FHOD3: variants seen among roughly 807,000 people sequenced by gnomAD.
The protein encoded by FHOD3 is formin homology 2 domain containing 3, also known as FH1/FH2 domain-containing protein 3.
A neutral mutation model predicts 173.0 loss-of-function variants in FHOD3; 90 were observed. That is an observed-to-expected ratio of 0.52 (90% CI 0.44 to 0.62). The LOEUF is 0.62. Ranked by LOEUF, FHOD3 falls within the 20% of genes least tolerant of loss-of-function variation. The pLI, the probability that FHOD3 is intolerant of heterozygous loss-of-function variation, is 0.00. For missense variants in FHOD3, 1,945 were observed against 2,034.7 expected (o/e 0.96, Z 0.85); for synonymous variants, 828 against 823.0 (o/e 1.01, Z -0.10).
chr18:36,434,295 A>G (rs961544836), intron 3 of FHOD3, among the ~76,000 whole-genome samples: 9 of 152,228 alleles, frequency 5.9e-5, no homozygotes, highest in Non-Finnish European at 1.2e-4. Flanking sequence ...ATAGTCGTTC[A>G]AACACCATTT....
At chr18:36,482,269 TAA>T (rs2053941332) in intron 3 of FHOD3, among the ~76,000 whole-genome samples, 1 of 152,222 alleles carries the variant, frequency 6.6e-6, no homozygotes, top group East Asian at 1.9e-4. Context: ...GGTAAATCAG[TAA>T]AATACATAGT....
chr18:36,692,205 A>G (rs1416315689), intron 16 of FHOD3, among the ~76,000 whole-genome samples: 1 of 152,262 alleles, frequency 6.6e-6, no homozygotes, highest in Non-Finnish European at 1.5e-5. Flanking sequence ...TTGTTTTAAA[A>G]TATTTTAATT....
chr18:36,448,992 G>A (rs1215158709), intron 3 of FHOD3, among the ~76,000 whole-genome samples: 2 of 151,224 alleles, frequency 1.3e-5, no homozygotes, highest in African/African-American at 4.9e-5. Context: ...CCATTTCTCG[G>A]TGTCCCCTTT....
At chr18:36,498,701 T>C (rs2054868658) in intron 3 of FHOD3, among the ~76,000 whole-genome samples, 2 of 151,734 alleles carry the variant, frequency 1.3e-5, no homozygotes, top group South Asian at 4.2e-4. Context: ...GGGGAAGGAG[T>C]ACCCCCAACT....
chr18:36,489,775 G>C (rs1414539513), intron 3 of FHOD3, among the ~76,000 whole-genome samples: 1 of 152,162 alleles, frequency 6.6e-6, no homozygotes, highest in Non-Finnish European at 1.5e-5. Flanking sequence ...TTAAGAAAAA[G>C]AATTATGAAA....
chr18:36,547,430 A>G (rs1353900324), intron 5 of FHOD3, among the ~76,000 whole-genome samples: 1 of 152,110 alleles, frequency 6.6e-6, no homozygotes, highest in Non-Finnish European at 1.5e-5. Flanking sequence ...GTCACAGGTT[A>G]AACCATCTCA....
Position 36,355,617 on chromosome 18 carries a change from G to A in FHOD3, c.244G>A (p.Glu82Lys). The A allele has an allele frequency of 6.2e-7, 1 of 1,614,168 alleles. No homozygotes were observed. Among genetic ancestry groups the A allele is most frequent in the Non-Finnish European group, 8.5e-7 (1 of 1,180,018 alleles). ...LEATLAEQRDELEGFQDDAGR... is the reference protein window; with the variant it reads ...LEATLAEQRDKLEGFQDDAGR... ...GGCCACCCTGGCAGAGCAGCGGGAT[G>A]AGTTGGAAGGCTTCCAGGATGACGC... The change falls in exon 2 of 29, where the codon GAG (glutamate) becomes AAG (lysine). Residue 82 changes from glutamate to lysine, a missense_variant. This residue lies in a region of FHOD3 where 245 missense variants were observed against 267.7 expected (regional missense o/e 0.92). Transcript: ENST00000590592.
At chr18:36,775,360 T>C (rs2043580553) in intron 28 of FHOD3, among the ~76,000 whole-genome samples, 1 of 152,176 alleles carries the variant, frequency 6.6e-6, no homozygotes, top group African/African-American at 2.4e-5. Flanking sequence ...CCTGTTGATG[T>C]GAAAGATGGT....
At chr18:36,764,541 CAGG>C (rs2043057889) in intron 27 of FHOD3, among the ~76,000 whole-genome samples, 1 of 152,018 alleles carries the variant, frequency 6.6e-6, no homozygotes, top group Admixed American at 6.6e-5. Flanking sequence ...TTGGTGGATG[CAGG>C]AGGAGTGCAG....
intron 5 of FHOD3, among the ~76,000 whole-genome samples, chr18:36,573,887 A>G (rs1423107339): frequency 1.3e-5 from 2 of 152,172 alleles, no homozygotes; most frequent in Non-Finnish European, 2.9e-5. Context: ...TCCTTAGAAT[A>G]GGTTTCCCAA....
intron 10 of FHOD3, among the ~76,000 whole-genome samples, chr18:36,632,273 C>G (rs1450433732): frequency 2.6e-5 from 4 of 152,214 alleles, no homozygotes; most frequent in African/African-American, 7.2e-5. Context: ...AAAAATGCCT[C>G]AGCATTGTAA....
intron 14 of FHOD3, among the ~76,000 whole-genome samples, chr18:36,672,039 C>G (rs940820591): frequency 1.3e-5 from 2 of 152,170 alleles, no homozygotes; most frequent in African/African-American, 4.8e-5. Flanking sequence ...AGGAACTAGA[C>G]TTCTTTGGGA....
chr18:36,491,725 G>A (rs1005965376), intron 3 of FHOD3, among the ~76,000 whole-genome samples: 2 of 150,552 alleles, frequency 1.3e-5, no homozygotes, highest in Non-Finnish European at 1.5e-5. Flanking sequence ...ACAGCATCAC[G>A]GTGCTGCCTC....
chr18:36,372,118 G>T (rs1232827541), intron 2 of FHOD3, among the ~76,000 whole-genome samples: 1 of 152,138 alleles, frequency 6.6e-6, no homozygotes, highest in Non-Finnish European at 1.5e-5. Flanking sequence ...GGTGAGATGT[G>T]GTGTGGTGTA....
intron 5 of FHOD3, among the ~76,000 whole-genome samples, chr18:36,570,028 AAGT>A (rs913391979): frequency 3.5e-4 from 53 of 152,184 alleles, no homozygotes; most frequent in African/African-American, 1.3e-3. Context: ...AAAACCAAAT[AAGT>A]AGAAGGAAGA....
intron 6 of FHOD3, among the ~76,000 whole-genome samples, chr18:36,581,308 A>G (rs2058842373): frequency 1.3e-5 from 2 of 152,200 alleles, no homozygotes; most frequent in African/African-American, 2.4e-5. Context: ...GATTCAGTCT[A>G]TACAGCATGG....
At chr18:36,776,946 T>G (rs1490766051) in intron 28 of FHOD3, among the ~76,000 whole-genome samples, 1 of 152,224 alleles carries the variant, frequency 6.6e-6, no homozygotes, top group East Asian at 1.9e-4. Context: ...ACCGGGCCCT[T>G]ATTCGAGTAT....
At chr18:36,663,826 G>A (rs1210305309) in intron 14 of FHOD3, among the ~76,000 whole-genome samples, 1 of 152,196 alleles carries the variant, frequency 6.6e-6, no homozygotes, top group Non-Finnish European at 1.5e-5. Context: ...TAACTTGTGG[G>A]TACCTGTGCC....
chr18:36,657,258 GA>G (rs1600113639), intron 13 of FHOD3, among the ~76,000 whole-genome samples: 2 of 152,196 alleles, frequency 1.3e-5, no homozygotes, highest in East Asian at 3.9e-4. Context: ...AAAGCTCTCT[GA>G]GCCTCATTAT....
Sources: allele counts gnomAD v4.1 joint callset (sites outside exome capture counted in the v4.1 genomes callset), GRCh38; gene constraint gnomAD v4.1.1; regional missense constraint gnomAD v4.1.1; transcripts MANE v1.5; gene names NCBI Gene and HGNC (gene_info 2026-07-23, HGNC 2026-07-21).